PPP2R5E: variants seen among roughly 807,000 people sequenced by gnomAD.
PPP2R5E encodes serine/threonine-protein phosphatase 2A 56 kDa regulatory subunit epsilon isoform.
Under a neutral mutation model 65.3 loss-of-function variants are expected in PPP2R5E, and 4 were observed. The observed-to-expected ratio is 0.06, with a 90% confidence interval of 0.03 to 0.14. The LOEUF (loss-of-function observed/expected upper bound fraction) is 0.14. Ranked by LOEUF, PPP2R5E falls within the 10% of genes least tolerant of loss-of-function variation. The pLI, the probability that PPP2R5E is intolerant of heterozygous loss-of-function variation, is 1.00. For synonymous variants in PPP2R5E, 183 were observed against 187.4 expected, an observed-to-expected ratio of 0.98 and a Z score of 0.19; for missense variants, 274 against 556.1, an observed-to-expected ratio of 0.49 and a Z score of 5.10.
intron 10 of PPP2R5E, among the ~76,000 whole-genome samples, chr14:63,390,654 T>C (rs749601789): frequency 6.6e-6 from 1 of 152,210 alleles, no homozygotes; most frequent in South Asian, 2.1e-4. Flanking sequence ...GAAATTAAAA[T>C]AGAGTTTGGA....
chr14:63,433,033 T>G (rs1011005464), intron 3 of PPP2R5E, among the ~76,000 whole-genome samples: 11 of 102,570 alleles, frequency 1.1e-4, no homozygotes, highest in Admixed American at 5.7e-4. Flanking sequence ...TTTTGTTTTG[T>G]TTTTTTTTTT....
intron 5 of PPP2R5E, among the ~76,000 whole-genome samples, chr14:63,408,923 C>A (rs1389561537): frequency 6.6e-6 from 1 of 152,142 alleles, no homozygotes; most frequent in African/African-American, 2.4e-5. Context: ...GGTGAAACCA[C>A]GTCTCTACCA....
chr14:63,473,450 T>C (rs1890231232), intron 2 of PPP2R5E, among the ~76,000 whole-genome samples: 1 of 151,978 alleles, frequency 6.6e-6, no homozygotes, highest in African/African-American at 2.4e-5. Context: ...GGCAGAAAAC[T>C]CAGGATAGGA....
At chr14:63,423,401 A>G (rs1887147360) in intron 3 of PPP2R5E, among the ~76,000 whole-genome samples, 2 of 152,032 alleles carry the variant, frequency 1.3e-5, no homozygotes, top group Admixed American at 1.3e-4. Context: ...CTGGCCTATT[A>G]CAAGATTTCT....
intron 2 of PPP2R5E, among the ~76,000 whole-genome samples, chr14:63,484,994 T>A (rs1485232588): frequency 2.0e-5 from 3 of 152,166 alleles, no homozygotes; most frequent in Non-Finnish European, 4.4e-5. Context: ...TTAAATAGTT[T>A]TTCAGCACTT....
At chr14:63,407,533 T>C (rs763924359) in intron 5 of PPP2R5E, among the ~76,000 whole-genome samples, 42 of 145,106 alleles carry the variant, frequency 2.9e-4, no homozygotes, top group African/African-American at 1.1e-3. Flanking sequence ...TTCTTATTGA[T>C]TACAACATAT....
chr14:63,515,497 CATA>C (rs1892634236), intron 2 of PPP2R5E, among the ~76,000 whole-genome samples: 3 of 152,082 alleles, frequency 2.0e-5, no homozygotes, highest in Admixed American at 2.0e-4. Context: ...TTCAAATACA[CATA>C]ATGTTGTTTT....
intron 2 of PPP2R5E, among the ~76,000 whole-genome samples, chr14:63,521,975 G>A (rs1240980996): frequency 7.9e-4 from 28 of 35,290 alleles, no homozygotes; most frequent in African/African-American, 2.8e-3. Context: ...CTCTCCCCAC[G>A]GTCTCCCTCT....
chr14:63,529,782 A>C (rs1250352537), intron 2 of PPP2R5E, among the ~76,000 whole-genome samples: 1 of 152,172 alleles, frequency 6.6e-6, no homozygotes, highest in Non-Finnish European at 1.5e-5. Context: ...GTAGAAAAGG[A>C]CCACTTCATC....
rs535052974 is a variant in PPP2R5E at position 63,414,111 on chromosome 14, G to T, written c.549+1029C>A. On this transcript the variant is annotated intron_variant, in intron 5 of 13. Transcript: ENST00000337537. ...CTGACCCTGTTGGATTGAACCCTAT[G>T]AAACTGCTGTTTTGAGTGTCAAAAA... Among the ~76,000 whole-genome samples the T allele has an allele frequency of 3.9e-5, 6 of 152,226 alleles. No homozygotes were observed. In the South Asian group the frequency reaches 1.0e-3, roughly 26 times the overall value.
chr14:63,496,887 T>A (rs1594941586), intron 2 of PPP2R5E, among the ~76,000 whole-genome samples: 1 of 144,296 alleles, frequency 6.9e-6, no homozygotes. Context: ...GTACACAGTT[T>A]AAAAAAAAAA....
At chr14:63,486,652 T>C (rs2139616716) in intron 2 of PPP2R5E, among the ~76,000 whole-genome samples, 1 of 152,158 alleles carries the variant, frequency 6.6e-6, no homozygotes, top group South Asian at 2.1e-4. Context: ...TCCCATTTCC[T>C]TTCCTATCCT....
At position 63,395,866 on chromosome 14, in the gene PPP2R5E, G is replaced by A. The variant is rs114692386; in HGVS notation, c.681-581C>T. On this transcript the variant is annotated intron_variant, in intron 6 of 13. Transcript: ENST00000337537. Reference sequence around the variant, plus strand: ...AGAAAAGGAGGGAAGAGAGGAGTCGGGGAGGAGAGGAGAAGGGGGGAAGAG... The same window carrying A: ...AGAAAAGGAGGGAAGAGAGGAGTCGAGGAGGAGAGGAGAAGGGGGGAAGAG... 7.9e-3 allele frequency among the ~76,000 whole-genome samples: 21 copies of A among 2,668 alleles called. 3 individuals carry two copies. The highest frequency in any genetic ancestry group is 0.057 in the African/African-American group (20 of 350). The allele number at this position is 2,668 out of a possible 152,430, so 1.8% of individuals were successfully genotyped here. A position where few individuals can be genotyped will look rare whatever the true frequency, so the allele number is the denominator to read the frequency against.
At chr14:63,532,821 T>G (rs1199203323) in intron 2 of PPP2R5E, among the ~76,000 whole-genome samples, 1 of 152,144 alleles carries the variant, frequency 6.6e-6, no homozygotes, top group Admixed American at 6.6e-5. Flanking sequence ...CTAAAATAGA[T>G]GACATTATTC....
At chr14:63,479,633 A>G (rs1439928138) in intron 2 of PPP2R5E, among the ~76,000 whole-genome samples, 1 of 152,224 alleles carries the variant, frequency 6.6e-6, no homozygotes, top group Non-Finnish European at 1.5e-5. Flanking sequence ...CAGTCTATGT[A>G]GCACCTAACA....
chr14:63,502,320 CAA>C (rs2139671662), intron 2 of PPP2R5E, among the ~76,000 whole-genome samples: 1 of 152,248 alleles, frequency 6.6e-6, no homozygotes, highest in South Asian at 2.1e-4. Context: ...CTGAGGGTGA[CAA>C]GATTCATCCT....
At chr14:63,456,470 A>C (rs1889134275) in intron 2 of PPP2R5E, among the ~76,000 whole-genome samples, 1 of 152,278 alleles carries the variant, frequency 6.6e-6, no homozygotes, top group African/African-American at 2.4e-5. Flanking sequence ...CAGTGGAATA[A>C]GGATAATAAC....
At chr14:63,393,636 C>T (rs1057042331) in intron 8 of PPP2R5E, among the ~76,000 whole-genome samples, 184 bp downstream of exon 8, 13 of 151,902 alleles carry the variant, frequency 8.6e-5, no homozygotes, top group Admixed American at 5.2e-4. Flanking sequence ...TGCTTGAACC[C>T]GGGAGGTGGA....
At chr14:63,389,486 T>TG in intron 11 of PPP2R5E, 126 bp downstream of exon 11, 2 of 1,142,400 alleles carry the variant, frequency 1.8e-6, no homozygotes, top group Non-Finnish European at 1.2e-6. Flanking sequence ...CTATTAAAAT[T>TG]ATCATCATGT....
Sources: allele counts gnomAD v4.1 joint callset (sites outside exome capture counted in the v4.1 genomes callset), GRCh38; gene constraint gnomAD v4.1.1; transcripts MANE v1.5; gene names NCBI Gene and HGNC (gene_info 2026-07-23, HGNC 2026-07-21).